The following SCFD2 variants were observed in gnomAD, a reference collection of about 807,000 sequenced individuals.
SCFD2 encodes the protein sec1 family domain containing 2.
In SCFD2, 54 loss-of-function variants were observed where a neutral mutation model predicts 58.9. The observed-to-expected ratio is 0.92, with a 90% CI of 0.74 to 1.15. SCFD2 has a LOEUF of 1.15. SCFD2 is among the 50% of genes most tolerant of loss of function. The probability of loss-of-function intolerance (pLI) is 0.00; values close to 1 mark genes in which losing one functional copy is unlikely to be tolerated. For synonymous variants in SCFD2, 321 were observed against 335.9 expected, an observed-to-expected ratio of 0.96 and a Z score of 0.49; for missense variants, 805 against 836.6, an observed-to-expected ratio of 0.96 and a Z score of 0.47.
chr4:52,910,661 C>T lies in SCFD2; in HGVS notation c.1708-3070G>A, dbSNP rs180992601. ...TATTTAAGAGAGAAGAAAATATACCCCTGATATGGTTTGGCTGTGTCCCTA... is the reference window on the plus strand; with the variant it reads ...TATTTAAGAGAGAAGAAAATATACCTCTGATATGGTTTGGCTGTGTCCCTA... On this transcript the variant is annotated intron_variant, in intron 6 of 8. Coordinates refer to ENST00000401642, the MANE Select transcript of SCFD2 (RefSeq NM_152540.4). 7.9e-5 allele frequency among the ~76,000 whole-genome samples: 12 copies of T among 152,190 alleles called. No homozygotes were observed. In the East Asian group the frequency reaches 2.3e-3, roughly 29 times the overall value.
chr4:53,075,383 T>C (rs972055966), intron 5 of SCFD2, among the ~76,000 whole-genome samples: 3 of 152,192 alleles, frequency 2.0e-5, no homozygotes, highest in Non-Finnish European at 4.4e-5. Flanking sequence ...CAGTTACTTA[T>C]TGTTTGTGTG....
intron 6 of SCFD2, among the ~76,000 whole-genome samples, chr4:52,915,843 C>A (rs1034906269): frequency 2.0e-5 from 3 of 152,176 alleles, no homozygotes; most frequent in African/African-American, 7.2e-5. Flanking sequence ...TCAGGAGGAG[C>A]AATAGAACTT....
chr4:52,992,483 C>A (rs1168804331), intron 5 of SCFD2, among the ~76,000 whole-genome samples: 1 of 152,134 alleles, frequency 6.6e-6, no homozygotes, highest in African/African-American at 2.4e-5. Flanking sequence ...TCTGCATGGC[C>A]GCCCATCGTC....
At chr4:53,163,376 G>A (rs58127734) in intron 4 of SCFD2, among the ~76,000 whole-genome samples, 24,615 of 152,008 alleles carry the variant, frequency 0.16, 2,470 homozygotes, top group Admixed American at 0.25. Context: ...CCAATTATCA[G>A]CAAATGAACC....
At chr4:53,260,488 T>C (rs1010748029) in intron 4 of SCFD2, among the ~76,000 whole-genome samples, 6 of 152,180 alleles carry the variant, frequency 3.9e-5, no homozygotes, top group Non-Finnish European at 8.8e-5. Context: ...GAGATGATCA[T>C]GTGATTTTTG....
intron 3 of SCFD2, among the ~76,000 whole-genome samples, chr4:53,306,146 C>T (rs1256569979): frequency 6.6e-5 from 10 of 152,110 alleles, no homozygotes; most frequent in African/African-American, 2.4e-4. Context: ...TGGGAGAGAA[C>T]TGGAAAGCCC....
chr4:52,929,445 A>T (rs301127), intron 5 of SCFD2, among the ~76,000 whole-genome samples: 43,417 of 152,136 alleles, frequency 0.29, 7,350 homozygotes, highest in East Asian at 0.53. Context: ...TCAGCTGACA[A>T]CTATTATTAT....
intron 4 of SCFD2, among the ~76,000 whole-genome samples, chr4:53,164,677 G>A (rs73143467): frequency 0.031 from 4,740 of 151,638 alleles, 249 homozygotes; most frequent in African/African-American, 0.11. Flanking sequence ...CTGTAGTTCC[G>A]GCCACTCAGG....
intron 4 of SCFD2, among the ~76,000 whole-genome samples, chr4:53,173,183 T>C (rs1271290209): frequency 6.6e-6 from 1 of 152,212 alleles, no homozygotes; most frequent in Non-Finnish European, 1.5e-5. Context: ...TGTAATAGGA[T>C]TATATCCTGA....
chr4:53,069,924 A>C (rs1295305073), intron 5 of SCFD2, among the ~76,000 whole-genome samples: 1 of 152,032 alleles, frequency 6.6e-6, no homozygotes, highest in Non-Finnish European at 1.5e-5. Flanking sequence ...ATCAATCGAT[A>C]TTTTTATAGC....
At chr4:53,356,154 A>G (rs1475715051) in intron 1 of SCFD2, among the ~76,000 whole-genome samples, 1 of 152,054 alleles carries the variant, frequency 6.6e-6, no homozygotes, top group East Asian at 1.9e-4. Context: ...AAGGAATCCC[A>G]TTTCCTCACT....
intron 3 of SCFD2, 70 bp downstream of exon 3, chr4:53,313,566 T>G: frequency 6.3e-7 from 1 of 1,587,472 alleles, no homozygotes; most frequent in Non-Finnish European, 8.6e-7. Flanking sequence ...TTGGCTAGCT[T>G]GGCCCACAAT....
At chr4:52,972,251 T>C (rs1031060280) in intron 5 of SCFD2, among the ~76,000 whole-genome samples, 4 of 152,196 alleles carry the variant, frequency 2.6e-5, no homozygotes, top group African/African-American at 4.8e-5. Context: ...GACCCATCAG[T>C]GTGCTGTATT....
At chr4:53,053,609 T>A (rs6847431) in intron 5 of SCFD2, among the ~76,000 whole-genome samples, 51,287 of 151,778 alleles carry the variant, frequency 0.34, 10,138 homozygotes, top group Non-Finnish European at 0.42. Flanking sequence ...ATCATATGGC[T>A]CTCCCTCAAG....
At chr4:53,197,755 A>AC (rs1374889681) in intron 4 of SCFD2, among the ~76,000 whole-genome samples, 4 of 151,230 alleles carry the variant, frequency 2.6e-5, no homozygotes, top group Non-Finnish European at 5.9e-5. Context: ...GGCAAAAAAA[A>AC]AAAAAAAAAA....
At chr4:53,353,662 G>GAT (rs1203532976) in intron 1 of SCFD2, among the ~76,000 whole-genome samples, 1 of 152,126 alleles carries the variant, frequency 6.6e-6, no homozygotes, top group Non-Finnish European at 1.5e-5. Flanking sequence ...ACAGAGTGCT[G>GAT]ATTGGTGCAT....
chr4:52,970,091 C>T (rs1041608639), intron 5 of SCFD2, among the ~76,000 whole-genome samples: 17 of 152,152 alleles, frequency 1.1e-4, no homozygotes, highest in Admixed American at 2.6e-4. Flanking sequence ...CCAGCGTGAG[C>T]GACACAGAAG....
At chr4:53,119,107 C>T (rs1346712310) in intron 5 of SCFD2, among the ~76,000 whole-genome samples, 1 of 152,152 alleles carries the variant, frequency 6.6e-6, no homozygotes, top group Non-Finnish European at 1.5e-5. Flanking sequence ...CACTTCAAGT[C>T]AGGAGTTCGA....
At chr4:53,286,166 A>G (rs1466611774) in intron 3 of SCFD2, among the ~76,000 whole-genome samples, 1 of 152,136 alleles carries the variant, frequency 6.6e-6, no homozygotes, top group African/African-American at 2.4e-5. Context: ...GGGGCACTCC[A>G]TCTCCTGGAT....
Sources: gnomAD v4.1 joint callset for allele counts (sites outside exome capture counted in the v4.1 genomes callset) on GRCh38, gnomAD v4.1.1 for gene constraint, MANE v1.5 for transcripts, NCBI Gene and HGNC (gene_info 2026-07-23, HGNC 2026-07-21) for gene names.